AJAP1: variants seen among roughly 807,000 people sequenced by gnomAD.
AJAP1 encodes adherens junction-associated protein 1.
Under a neutral mutation model 35.0 loss-of-function variants are expected in AJAP1, and 5 were observed. The ratio of observed to expected loss-of-function variants is 0.14; its 90% confidence interval spans 0.07 to 0.30. AJAP1 has a LOEUF of 0.30. Ranked by LOEUF, AJAP1 falls within the 10% of genes least tolerant of loss-of-function variation. The probability of loss-of-function intolerance (pLI) is 1.00; values close to 1 mark genes in which losing one functional copy is unlikely to be tolerated. For synonymous variants in AJAP1, 284 were observed against 249.3 expected, an observed-to-expected ratio of 1.14 and a Z score of -1.31; for missense variants, 586 against 571.0, an observed-to-expected ratio of 1.03 and a Z score of -0.27.
intron 1 of AJAP1, among the ~76,000 whole-genome samples, chr1:4,689,846 G>T (rs563262734): frequency 6.6e-6 from 1 of 152,350 alleles, no homozygotes; most frequent in East Asian, 1.9e-4. Context: ...TCTCGCGGAT[G>T]CCCAGCAGCA....
chr1:4,719,688 G>A (rs1409745076), intron 2 of AJAP1, among the ~76,000 whole-genome samples: 2 of 152,156 alleles, frequency 1.3e-5, no homozygotes, highest in South Asian at 2.1e-4. Flanking sequence ...GACAACCTCC[G>A]AGGTCCCTCC....
chr1:4,712,793 A>G (rs990735582), intron 2 of AJAP1, 94 bp downstream of exon 2: 2 of 1,322,638 alleles, frequency 1.5e-6, no homozygotes, highest in Non-Finnish European at 2.0e-6. Flanking sequence ...GGGTGATGCT[A>G]TGTGTGGAGG....
chr1:4,714,840 G>A (rs185424006), intron 2 of AJAP1, among the ~76,000 whole-genome samples: 7 of 152,302 alleles, frequency 4.6e-5, no homozygotes, highest in Admixed American at 4.6e-4. Context: ...AGGGAAGAGA[G>A]GAAATGCGGG....
intron 1 of AJAP1, among the ~76,000 whole-genome samples, chr1:4,684,829 C>T (rs572134518): frequency 6.6e-6 from 1 of 152,268 alleles, no homozygotes; most frequent in South Asian, 2.1e-4. Context: ...CTCCCCCAGC[C>T]CCTTGCCTGT....
At chr1:4,761,335 G>T (rs1158440085) in intron 2 of AJAP1, among the ~76,000 whole-genome samples, 1 of 152,186 alleles carries the variant, frequency 6.6e-6, no homozygotes, top group African/African-American at 2.4e-5. Context: ...TGTCCCCTGG[G>T]CTCTCTCTGA....
intron 2 of AJAP1, among the ~76,000 whole-genome samples, chr1:4,716,051 T>G (rs12567190): frequency 0.081 from 12,355 of 152,306 alleles, 815 homozygotes; most frequent in African/African-American, 0.17. Context: ...TTTCTGCAGA[T>G]AAATATTTAG....
At chr1:4,668,498 G>T (rs1242061260) in intron 1 of AJAP1, among the ~76,000 whole-genome samples, 1 of 152,196 alleles carries the variant, frequency 6.6e-6, no homozygotes, top group African/African-American at 2.4e-5. Context: ...AAATCTCTCA[G>T]CAGACCTTCA....
chr1:4,769,995 G>A (rs949298581), intron 3 of AJAP1, 55 bp downstream of exon 3: 2 of 1,468,664 alleles, frequency 1.4e-6, no homozygotes, highest in Non-Finnish European at 1.9e-6. Flanking sequence ...GGGGTCCCTG[G>A]GTGGTGAATA....
At chr1:4,695,465 C>G (rs79736428) in intron 1 of AJAP1, among the ~76,000 whole-genome samples, 203 of 152,310 alleles carry the variant, frequency 1.3e-3, no homozygotes, top group South Asian at 2.3e-3. Flanking sequence ...TCCCTGCAAA[C>G]ACAGTACCTC....
At position 4,703,976 on chromosome 1, in the gene AJAP1, C is replaced by G. The variant is rs139268631; in HGVS notation, c.30-7924C>G. Among the ~76,000 whole-genome samples the G allele has an allele frequency of 2.4e-3, 362 of 152,322 alleles. No individual in the cohort carries two copies. In the Middle Eastern group the frequency reaches 0.027, roughly 11 times the overall value. On this transcript the variant is annotated intron_variant, in intron 1 of 5. Transcript: ENST00000378191. ...CCCGGGCAGCCTAGGGCCCTCTACCCTGCTTCTCCCCACAACGCCCTGTAT... is the reference window on the plus strand; with the variant it reads ...CCCGGGCAGCCTAGGGCCCTCTACCGTGCTTCTCCCCACAACGCCCTGTAT...
intron 3 of AJAP1, among the ~76,000 whole-genome samples, chr1:4,771,982 A>C (rs1641845240): frequency 6.6e-6 from 1 of 152,102 alleles, no homozygotes; most frequent in Non-Finnish European, 1.5e-5. Flanking sequence ...GGTCTGACTG[A>C]TGCTCTTTAG....
intron 2 of AJAP1, among the ~76,000 whole-genome samples, chr1:4,745,502 G>A (rs1371984727): frequency 1.3e-5 from 2 of 152,196 alleles, no homozygotes; most frequent in Non-Finnish European, 1.5e-5. Flanking sequence ...GAAGGAGGGG[G>A]CCTGGGGTTT....
chr1:4,765,464 G>A (rs559526145), intron 2 of AJAP1, among the ~76,000 whole-genome samples: 3 of 152,348 alleles, frequency 2.0e-5, no homozygotes, highest in Admixed American at 6.5e-5. Context: ...TATTTAAGGC[G>A]AGAGTATTGA....
chr1:4,678,958 G>C (rs1407965084), intron 1 of AJAP1, among the ~76,000 whole-genome samples: 1 of 152,192 alleles, frequency 6.6e-6, no homozygotes, highest in East Asian at 1.9e-4. Flanking sequence ...AGCTCAGAAA[G>C]ACAATTCCCA....
chr1:4,676,202 A>T (rs1216316451), intron 1 of AJAP1, among the ~76,000 whole-genome samples: 1 of 152,028 alleles, frequency 6.6e-6, no homozygotes, highest in African/African-American at 2.4e-5. Flanking sequence ...TTTTGGGGCT[A>T]GTGTCTTAGT....
At chr1:4,737,178 G>A (rs768394754) in intron 2 of AJAP1, among the ~76,000 whole-genome samples, 50 of 152,072 alleles carry the variant, frequency 3.3e-4, no homozygotes, top group Non-Finnish European at 6.2e-4. Context: ...GCTGTGGATG[G>A]GCACCCCTGG....
At chr1:4,771,176 G>A (rs996002511) in intron 3 of AJAP1, among the ~76,000 whole-genome samples, 4 of 152,210 alleles carry the variant, frequency 2.6e-5, no homozygotes, top group Non-Finnish European at 4.4e-5. Flanking sequence ...CCCTTTGGGA[G>A]AACAGCCCGG....
chr1:4,713,889 G>T (rs1353131118), intron 2 of AJAP1, among the ~76,000 whole-genome samples: 1 of 152,218 alleles, frequency 6.6e-6, no homozygotes, highest in South Asian at 2.1e-4. Context: ...CAGAATCAAG[G>T]GGAGGGAAGA....
At chr1:4,748,477 G>A (rs1641244509) in intron 2 of AJAP1, among the ~76,000 whole-genome samples, 2 of 152,022 alleles carry the variant, frequency 1.3e-5, no homozygotes, top group Non-Finnish European at 2.9e-5. Context: ...GCTGGGTGCG[G>A]TGTCTCACGC....
Sources: allele counts gnomAD v4.1 joint callset (sites outside exome capture counted in the v4.1 genomes callset), GRCh38; gene constraint gnomAD v4.1.1; transcripts MANE v1.5; gene names NCBI Gene and HGNC (gene_info 2026-07-23, HGNC 2026-07-21).